CEP128: variants seen among roughly 807,000 people sequenced by gnomAD.
CEP128 encodes the protein centrosomal protein 128, also known as centrosomal protein 128kDa.
In CEP128, 132 loss-of-function variants were observed where a neutral mutation model predicts 156.7. The observed-to-expected ratio is 0.84, with a 90% CI of 0.73 to 0.97. The LOEUF (loss-of-function observed/expected upper bound fraction) is 0.97. CEP128 is among the 50% of genes least tolerant of loss of function. CEP128 has a pLI of 0.00. For missense variants in CEP128, 1,252 were observed against 1,281.9 expected, an observed-to-expected ratio of 0.98 and a Z score of 0.36; for synonymous variants, 469 against 448.9, an observed-to-expected ratio of 1.04 and a Z score of -0.57.
intron 8 of CEP128, among the ~76,000 whole-genome samples, chr14:80,878,669 C>A (rs1342385250): frequency 6.6e-6 from 1 of 152,066 alleles, no homozygotes; most frequent in Non-Finnish European, 1.5e-5. Context: ...GTGGTGCCTG[C>A]TCCCATGGGT....
chr14:80,589,142 G>A (rs763164266), intron 19 of CEP128, among the ~76,000 whole-genome samples: 6 of 152,010 alleles, frequency 3.9e-5, no homozygotes, highest in Non-Finnish European at 7.4e-5. Flanking sequence ...AGGGATGAAG[G>A]AAACCTCTAG....
At chr14:80,802,461 C>T (rs1754509296) in intron 13 of CEP128, among the ~76,000 whole-genome samples, 1 of 151,472 alleles carries the variant, frequency 6.6e-6, no homozygotes, top group South Asian at 2.1e-4. Flanking sequence ...ACCGCATGCT[C>T]TCACTCGTAA....
At chr14:80,696,783 A>C (rs1334593666) in intron 19 of CEP128, among the ~76,000 whole-genome samples, 1 of 152,202 alleles carries the variant, frequency 6.6e-6, no homozygotes, top group Non-Finnish European at 1.5e-5. Context: ...AACAAACAAA[A>C]AATGGTGATC....
chr14:80,643,132 G>C (rs868021849), intron 19 of CEP128, among the ~76,000 whole-genome samples: 1 of 152,140 alleles, frequency 6.6e-6, no homozygotes, highest in Non-Finnish European at 1.5e-5. Flanking sequence ...CCCAAAGATC[G>C]AAGAGCATGA....
At chr14:80,744,710 C>T (rs1038151997) in intron 18 of CEP128, among the ~76,000 whole-genome samples, 6 of 152,064 alleles carry the variant, frequency 3.9e-5, no homozygotes, top group Non-Finnish European at 8.8e-5. Context: ...AGTCAAGGTA[C>T]GTGATAGCAT....
At chr14:80,685,293 T>C (rs183397295) in intron 19 of CEP128, among the ~76,000 whole-genome samples, 1 of 152,140 alleles carries the variant, frequency 6.6e-6, no homozygotes, top group East Asian at 1.9e-4. Context: ...GGCATTTCTA[T>C]AATGCAACAA....
chr14:80,765,181 T>G (rs1295854864), intron 16 of CEP128, among the ~76,000 whole-genome samples: 1 of 152,174 alleles, frequency 6.6e-6, no homozygotes, highest in Non-Finnish European at 1.5e-5. Flanking sequence ...CAACAAACAT[T>G]TGCATGAAAT....
At chr14:80,682,569 A>G (rs111524034) in intron 19 of CEP128, among the ~76,000 whole-genome samples, 5 of 152,336 alleles carry the variant, frequency 3.3e-5, no homozygotes, top group African/African-American at 1.2e-4. Context: ...CTAGAGAAAT[A>G]TTCACATACA....
At chr14:80,811,830 A>ATAGATAGATAGATAGC (rs1884569438) in intron 13 of CEP128, among the ~76,000 whole-genome samples, 1 of 152,006 alleles carries the variant, frequency 6.6e-6, no homozygotes, top group South Asian at 2.1e-4. Context: ...AGATAGATAG[A>ATAGATAGATAGATAGC]TAGATAGATA....
intron 19 of CEP128, among the ~76,000 whole-genome samples, chr14:80,624,357 A>G (rs1329060567): frequency 2.6e-5 from 4 of 152,098 alleles, no homozygotes; most frequent in African/African-American, 9.7e-5. Context: ...TCCATGTCTT[A>G]GCTATTATGA....
chr14:80,915,211 C>T (rs78385308), intron 3 of CEP128, among the ~76,000 whole-genome samples: 3,408 of 151,826 alleles, frequency 0.022, 126 homozygotes, highest in African/African-American at 0.078. Flanking sequence ...TGTGTATAGA[C>T]ACAGTCTAAG....
At chr14:80,890,856 A>G (rs1386340048) in intron 8 of CEP128, among the ~76,000 whole-genome samples, 1 of 152,162 alleles carries the variant, frequency 6.6e-6, no homozygotes, top group East Asian at 1.9e-4. Context: ...CTCTATAGGA[A>G]AAGATCTAAT....
At chr14:80,529,835 G>A (rs573575557) in intron 22 of CEP128, among the ~76,000 whole-genome samples, 40 of 152,186 alleles carry the variant, frequency 2.6e-4, no homozygotes, top group African/African-American at 8.9e-4. Flanking sequence ...TTCTAGATTC[G>A]TCAGCTAAAC....
intron 19 of CEP128, among the ~76,000 whole-genome samples, chr14:80,624,897 G>T (rs1239154367): frequency 6.6e-6 from 1 of 152,012 alleles, no homozygotes; most frequent in African/African-American, 2.4e-5. Context: ...TATTTCCTTT[G>T]CTATGCAGAA....
intron 2 of CEP128, among the ~76,000 whole-genome samples, chr14:80,933,653 C>T (rs1787158653): frequency 6.6e-6 from 1 of 152,108 alleles, no homozygotes; most frequent in Admixed American, 6.6e-5. Context: ...TACTATGGGA[C>T]ATCTGTCTCA....
At chr14:80,861,192 T>C (rs1159709607) in intron 9 of CEP128, among the ~76,000 whole-genome samples, 1 of 152,004 alleles carries the variant, frequency 6.6e-6, no homozygotes, top group East Asian at 1.9e-4. Context: ...AATTGTTTCA[T>C]ATGAGTCAAT....
At chr14:80,891,817 T>C (rs1350056247) in intron 8 of CEP128, among the ~76,000 whole-genome samples, 2 of 151,966 alleles carry the variant, frequency 1.3e-5, no homozygotes, top group Non-Finnish European at 2.9e-5. Context: ...GTATATTTCA[T>C]GTTTTAAAAA....
intron 16 of CEP128, among the ~76,000 whole-genome samples, chr14:80,774,491 A>G (rs1900680966): frequency 6.6e-6 from 1 of 152,190 alleles, no homozygotes; most frequent in Admixed American, 6.5e-5. Flanking sequence ...GCTACTAATC[A>G]CTGGGTTTTC....
downstream of CEP128, among the ~76,000 whole-genome samples, chr14:80,489,341 G>C (rs970961872): frequency 6.7e-6 from 1 of 148,912 alleles, no homozygotes; most frequent in East Asian, 2.0e-4. Context: ...ATTGATAATT[G>C]CAAGAATTGC....
Sources: gnomAD v4.1 joint callset for allele counts (sites outside exome capture counted in the v4.1 genomes callset) on GRCh38, gnomAD v4.1.1 for gene constraint, MANE v1.5 for transcripts, NCBI Gene and HGNC (gene_info 2026-07-23, HGNC 2026-07-21) for gene names.